PARP8: variants seen among roughly 807,000 people sequenced by gnomAD.
The protein encoded by PARP8 is protein mono-ADP-ribosyltransferase PARP8.
Under a neutral mutation model 124.1 loss-of-function variants are expected in PARP8, and 51 were observed. The observed-to-expected ratio is 0.41, with a 90% CI of 0.33 to 0.52. PARP8 has a LOEUF of 0.52. Among genes scored for constraint, PARP8 ranks in the 20% least tolerant of loss-of-function variants. The probability of loss-of-function intolerance (pLI) is 0.21; values close to 1 mark genes in which losing one functional copy is unlikely to be tolerated. For synonymous variants in PARP8, 391 were observed against 361.5 expected, an observed-to-expected ratio of 1.08 and a Z score of -0.93; for missense variants, 860 against 1,018.9, an observed-to-expected ratio of 0.84 and a Z score of 2.12.
At chr5:50,731,545 T>C (rs553674625) in intron 2 of PARP8, among the ~76,000 whole-genome samples, 1 of 152,290 alleles carries the variant, frequency 6.6e-6, no homozygotes, top group Non-Finnish European at 1.5e-5. Context: ...CTAAACAGCT[T>C]TTTGTTATTT....
chr5:50,766,224 C>A (rs1761044932), intron 7 of PARP8, among the ~76,000 whole-genome samples: 1 of 152,186 alleles, frequency 6.6e-6, no homozygotes, highest in African/African-American at 2.4e-5. Context: ...GCTGTTGAAT[C>A]ATACATGTAA....
At chr5:50,720,075 G>T (rs1439797901) in intron 2 of PARP8, among the ~76,000 whole-genome samples, 2 of 151,948 alleles carry the variant, frequency 1.3e-5, no homozygotes, top group Non-Finnish European at 2.9e-5. Flanking sequence ...AATTTTCATT[G>T]GTGGAGAACC....
intron 9 of PARP8, among the ~76,000 whole-genome samples, chr5:50,787,738 ATTAAT>A (rs1188174992): frequency 6.6e-6 from 1 of 151,906 alleles, no homozygotes; most frequent in Non-Finnish European, 1.5e-5. Context: ...GAGAGAAGTT[ATTAAT>A]TTAATTAATA....
chr5:50,757,804 C>T (rs138364453), intron 3 of PARP8, among the ~76,000 whole-genome samples: 4 of 152,126 alleles, frequency 2.6e-5, no homozygotes, highest in African/African-American at 7.2e-5. Context: ...TTACTTACCT[C>T]TTGGTGTTTT....
rs143751771 is a variant in PARP8, at chr5:50,717,886, G to A, written c.147-32265G>A. On this transcript the variant is annotated intron_variant, in intron 2 of 25. Transcript: ENST00000281631. The stretch of plus-strand genomic sequence containing the variant: ...GAGAGAGAAGTGACTGATGGATTTA[G>A]GATCATGGAGGTTGTTGATTATACT... Among the ~76,000 whole-genome samples, 163 of 151,850 alleles carry A rather than the reference G, an allele frequency of 1.1e-3. 2 individuals carry two copies. Among genetic ancestry groups the A allele is most frequent in the African/African-American group, 3.5e-3 (147 of 41,430 alleles).
intron 2 of PARP8, among the ~76,000 whole-genome samples, chr5:50,744,416 A>G (rs758904826): frequency 5.9e-5 from 9 of 152,218 alleles, no homozygotes; most frequent in Non-Finnish European, 1.3e-4. Flanking sequence ...TTAGGTAGAT[A>G]TGGAGCAACT....
chr5:50,832,980 A>G, intron 23 of PARP8, 126 bp downstream of exon 23: 1 of 759,586 alleles, frequency 1.3e-6, no homozygotes, highest in Non-Finnish European at 2.1e-6. Context: ...TTATAAAGGA[A>G]TAAAACTCAC....
intron 15 of PARP8, among the ~76,000 whole-genome samples, chr5:50,819,817 A>C (rs763319405): frequency 1.3e-5 from 2 of 152,188 alleles, no homozygotes; most frequent in Non-Finnish European, 1.5e-5. Flanking sequence ...GATAATGCTG[A>C]AAACAATCTG....
intron 24 of PARP8, among the ~76,000 whole-genome samples, chr5:50,834,276 G>A: frequency 6.6e-6 from 1 of 152,134 alleles, no homozygotes; most frequent in Non-Finnish European, 1.5e-5. Context: ...ATTTCTGGCA[G>A]ATATTTCCAG....
intron 10 of PARP8, among the ~76,000 whole-genome samples, chr5:50,791,493 A>C (rs1354548004): frequency 1.3e-5 from 2 of 152,184 alleles, no homozygotes; most frequent in African/African-American, 4.8e-5. Context: ...GCTTGAGATG[A>C]GACATGGAAT....
chr5:50,806,250 C>G (rs1160699365), intron 14 of PARP8, among the ~76,000 whole-genome samples: 1 of 151,942 alleles, frequency 6.6e-6, no homozygotes, highest in African/African-American at 2.4e-5. Context: ...AGATAGGATT[C>G]TAATACTGAC....
At chr5:50,813,653 G>T (rs891188991) in intron 14 of PARP8, among the ~76,000 whole-genome samples, 1 of 152,090 alleles carries the variant, frequency 6.6e-6, no homozygotes, top group Non-Finnish European at 1.5e-5. Context: ...GTGAGAGAGG[G>T]CATCCCTGTC....
chr5:50,790,791 A>G (rs1335033172), intron 10 of PARP8, among the ~76,000 whole-genome samples: 2 of 152,106 alleles, frequency 1.3e-5, no homozygotes, highest in Non-Finnish European at 2.9e-5. Flanking sequence ...TCCCTATCCG[A>G]GTGATTAATG....
chr5:50,719,041 G>T (rs957476455), intron 2 of PARP8, among the ~76,000 whole-genome samples: 5 of 151,734 alleles, frequency 3.3e-5, no homozygotes, highest in African/African-American at 1.2e-4. Flanking sequence ...TGTAGTTTTG[G>T]GTTGCATTTC....
intron 14 of PARP8, among the ~76,000 whole-genome samples, chr5:50,814,689 G>A (rs1050196025): frequency 2.0e-5 from 3 of 152,120 alleles, no homozygotes; most frequent in Admixed American, 1.3e-4. Flanking sequence ...AGTAAGCGTA[G>A]GAGCAGTGGC....
chr5:50,750,353 T>C (rs2149552297), intron 3 of PARP8, among the ~76,000 whole-genome samples, 165 bp downstream of exon 3: 1 of 152,214 alleles, frequency 6.6e-6, no homozygotes, highest in South Asian at 2.1e-4. Context: ...AAAGTACATG[T>C]CTTACTCTGA....
At chr5:50,826,643 A>C (rs1393967518) in intron 18 of PARP8, 112 bp from the exon 19 acceptor site, 1 of 1,299,822 alleles carries the variant, frequency 7.7e-7, no homozygotes, top group African/African-American at 1.6e-5. Context: ...AATTATTTCC[A>C]AGTTTAGTTT....
At chr5:50,677,059 G>A (rs1193210236) in intron 2 of PARP8, among the ~76,000 whole-genome samples, 1 of 152,168 alleles carries the variant, frequency 6.6e-6, no homozygotes, top group African/African-American at 2.4e-5. Flanking sequence ...AACGAGTGGA[G>A]CCTCACAGGC....
At chr5:50,744,428 A>G (rs1758341302) in intron 2 of PARP8, among the ~76,000 whole-genome samples, 1 of 152,212 alleles carries the variant, frequency 6.6e-6, no homozygotes, top group Non-Finnish European at 1.5e-5. Context: ...GGAGCAACTG[A>G]CAGCTGCTTT....
Sources: gnomAD v4.1 joint callset for allele counts (sites outside exome capture counted in the v4.1 genomes callset) on GRCh38, gnomAD v4.1.1 for gene constraint, MANE v1.5 for transcripts, NCBI Gene and HGNC (gene_info 2026-07-23, HGNC 2026-07-21) for gene names.